The following SHC4 variants were observed in gnomAD, a reference collection of about 807,000 sequenced individuals.
SHC4 encodes the protein SHC adaptor protein 4.
A neutral mutation model predicts 69.4 loss-of-function variants in SHC4; 41 were observed. The ratio of observed to expected loss-of-function variants is 0.59; its 90% confidence interval spans 0.46 to 0.77. The LOEUF (loss-of-function observed/expected upper bound fraction) is 0.77. Among genes scored for constraint, SHC4 ranks in the 30% least tolerant of loss-of-function variants. The pLI, the probability that SHC4 is intolerant of heterozygous loss-of-function variation, is 0.00. For missense variants in SHC4, 777 were observed against 783.8 expected, an observed-to-expected ratio of 0.99 and a Z score of 0.10; for synonymous variants, 318 against 299.3, an observed-to-expected ratio of 1.06 and a Z score of -0.64.
intron 3 of SHC4, among the ~76,000 whole-genome samples, chr15:48,884,592 T>C (rs1326089281): frequency 6.6e-6 from 1 of 152,202 alleles, no homozygotes; most frequent in African/African-American, 2.4e-5. Context: ...CCCTCAGAAC[T>C]TTCTCATAGT....
chr15:48,901,441 G>C (rs1900316490), intron 2 of SHC4, among the ~76,000 whole-genome samples: 1 of 152,142 alleles, frequency 6.6e-6, no homozygotes, highest in Non-Finnish European at 1.5e-5. Context: ...TAAGAATTAT[G>C]GGACTCCCTT....
chr15:48,936,525 T>G (rs1048672271), intron 1 of SHC4, among the ~76,000 whole-genome samples: 1 of 152,146 alleles, frequency 6.6e-6, no homozygotes, highest in Admixed American at 6.5e-5. Context: ...CAAGATTCTA[T>G]TCCCAGTCCG....
At chr15:48,899,285 C>T (rs564655591) in intron 2 of SHC4, among the ~76,000 whole-genome samples, 1 of 152,056 alleles carries the variant, frequency 6.6e-6, no homozygotes, top group Admixed American at 6.6e-5. Flanking sequence ...TGGCCAACAT[C>T]GTGAAACCCC....
rs138786215 is a variant in SHC4 at position 48,847,927 on chromosome 15, G to A, written c.1303+3261C>T. ...TGAGGCAGGAGAATCGCTTGAACCCGGGAGGCAGAGATTGCAGTGAGCCGA... is the reference window on the plus strand; with the variant it reads ...TGAGGCAGGAGAATCGCTTGAACCCAGGAGGCAGAGATTGCAGTGAGCCGA... On this transcript the variant is annotated intron_variant, in intron 9 of 11. Coordinates refer to ENST00000332408, the MANE Select transcript of SHC4 (RefSeq NM_203349.4). Among the ~76,000 whole-genome samples the A allele has an allele frequency of 4.6e-3, 697 of 151,426 alleles. 5 individuals carry two copies. Among genetic ancestry groups the A allele is most frequent in the African/African-American group, 0.016 (673 of 41,276 alleles).
intron 9 of SHC4, among the ~76,000 whole-genome samples, chr15:48,850,818 G>A (rs1184635875): frequency 6.6e-6 from 1 of 152,122 alleles, no homozygotes; most frequent in East Asian, 1.9e-4. Flanking sequence ...AATCCTAATG[G>A]ATCTGACAGG....
intron 10 of SHC4, among the ~76,000 whole-genome samples, chr15:48,842,868 T>C (rs1440665667): frequency 6.6e-6 from 1 of 151,956 alleles, no homozygotes; most frequent in Non-Finnish European, 1.5e-5. Context: ...GAGGCAGAGG[T>C]TGCAGTGACC....
At chr15:48,938,053 A>G (rs1177103081) in intron 1 of SHC4, among the ~76,000 whole-genome samples, 1 of 152,196 alleles carries the variant, frequency 6.6e-6, no homozygotes, top group Non-Finnish European at 1.5e-5. Flanking sequence ...TAAGATCTTT[A>G]TCACCATGTA....
chr15:48,862,585 C>A (rs931207978), intron 6 of SHC4, among the ~76,000 whole-genome samples: 2 of 152,138 alleles, frequency 1.3e-5, no homozygotes, highest in African/African-American at 2.4e-5. Flanking sequence ...CAGCATGAAG[C>A]CCAGTCTCCT....
At chr15:48,857,584 A>G in intron 7 of SHC4, 108 bp downstream of exon 7, 1 of 1,049,090 alleles carries the variant, frequency 9.5e-7, no homozygotes, top group African/African-American at 1.7e-5. Context: ...TTATTAGTTC[A>G]TTTTAAAATG....
chr15:48,851,288 T>C, intron 8 of SHC4, 40 bp from the exon 9 acceptor site: 1 of 1,597,212 alleles, frequency 6.3e-7, no homozygotes, highest in Non-Finnish European at 8.6e-7. Context: ...ACAAACATAG[T>C]ACACATTCAT....
intron 1 of SHC4, among the ~76,000 whole-genome samples, chr15:48,936,534 C>G (rs11070666): frequency 0.36 from 54,819 of 151,940 alleles, 10,419 homozygotes; most frequent in Middle Eastern, 0.59. Flanking sequence ...ATTCCCAGTC[C>G]GCTTAAAGTA....
In SHC4 at chr15:48,884,275, G is replaced by A. The variant is rs1899994883; in HGVS notation, c.813C>T (p.Leu271=). ...GTTGGTTGTCAAGATTCATCAATGT[G>A]AGACTGCATGTTGAGATGGTCAGTT... ...NIKLTISTCS[L]TLMNLDNQQI... is the part of the protein sequence containing the mutation. Residue 271 remains leucine (L), a synonymous_variant, in exon 4 of 12, where the codon CTC becomes CTT. Transcript: ENST00000332408. 1 of 1,608,368 alleles carries A rather than the reference G, an allele frequency of 6.2e-7. No individual in the cohort carries two copies. The highest frequency in any genetic ancestry group is 1.3e-5 in the African/African-American group (1 of 74,612).
chr15:48,880,034 G>A (rs1899910214), intron 4 of SHC4: 1 of 167,102 alleles, frequency 6.0e-6, no homozygotes, highest in Admixed American at 6.5e-5. Context: ...CTAAGATGCT[G>A]AAGTTCTAGG....
At chr15:48,875,730 A>G (rs1054433290) in intron 4 of SHC4, among the ~76,000 whole-genome samples, 2 of 152,218 alleles carry the variant, frequency 1.3e-5, no homozygotes, top group Non-Finnish European at 2.9e-5. Flanking sequence ...TTGCATCGGT[A>G]TATGCATGGG....
chr15:48,843,400 G>C lies in SHC4; in HGVS notation c.1483+9C>G. ...AAGAAATGAATACAGACAGTGAGTA[G>C]CTACTTACTTCCGCAGTGCCATGGG... On this transcript the variant is annotated intron_variant, in intron 10 of 11. Coordinates refer to ENST00000332408, the MANE Select transcript of SHC4 (RefSeq NM_203349.4). 2 of 1,599,310 alleles carry C rather than the reference G, an allele frequency of 1.3e-6. No individual in the cohort carries two copies. The highest frequency in any genetic ancestry group is 1.7e-6 in the Non-Finnish European group (2 of 1,170,618).
intron 1 of SHC4, among the ~76,000 whole-genome samples, chr15:48,939,138 G>A (rs770786532): frequency 6.6e-6 from 1 of 152,182 alleles, no homozygotes; most frequent in Non-Finnish European, 1.5e-5. Context: ...ATTGTCTTCA[G>A]TTCTACCTGC....
chr15:48,897,508 CCACACACA>C (rs57034071), intron 2 of SHC4, among the ~76,000 whole-genome samples: 15 of 142,988 alleles, frequency 1.0e-4, no homozygotes, highest in African/African-American at 2.3e-4. Context: ...AGCAATGTCG[CCACACACA>C]CACACACACA....
In SHC4 at chr15:48,878,646, A is replaced by G. The variant is rs755236820; in HGVS notation, c.840+5602T>C. On this transcript the variant is annotated intron_variant, in intron 4 of 11. Transcript: ENST00000332408. ...ATGCATTATGAGAAGACCCCGTTTG[A>G]TCAGTTAGCTTTTATCGAAGAGCTT... 13 of 1,613,926 alleles carry G rather than the reference A, an allele frequency of 8.1e-6. No individual in the cohort carries two copies. The Admixed American group carries it at 1.8e-4, about 23-fold the overall frequency.
intron 4 of SHC4, chr15:48,877,594 T>C (rs1196530663): frequency 8.1e-6 from 8 of 982,408 alleles, no homozygotes; most frequent in African/African-American, 1.8e-5. Flanking sequence ...GAAAGATACC[T>C]CCCAGGCGAA....
Sources: allele counts gnomAD v4.1 joint callset (sites outside exome capture counted in the v4.1 genomes callset), GRCh38; gene constraint gnomAD v4.1.1; transcripts MANE v1.5; gene names NCBI Gene and HGNC (gene_info 2026-07-23, HGNC 2026-07-21).